The following RNF38 variants were observed in gnomAD, a reference collection of about 807,000 sequenced individuals.
The protein encoded by RNF38 is E3 ubiquitin-protein ligase RNF38.
In RNF38, 15 loss-of-function variants were observed where a neutral mutation model predicts 67.2. That is an observed-to-expected ratio of 0.22 (90% confidence interval 0.15 to 0.34). RNF38 has a LOEUF of 0.34. Among genes scored for constraint, RNF38 ranks in the 10% least tolerant of loss-of-function variants. The pLI, the probability that RNF38 is intolerant of heterozygous loss-of-function variation, is 1.00. For synonymous variants in RNF38, 220 were observed against 218.8 expected, an observed-to-expected ratio of 1.01 and a Z score of -0.05; for missense variants, 524 against 639.9, an observed-to-expected ratio of 0.82 and a Z score of 1.95.
chr9:36,343,856 G>A (rs1833026209), intron 10 of RNF38, among the ~76,000 whole-genome samples: 1 of 151,862 alleles, frequency 6.6e-6, no homozygotes, highest in African/African-American at 2.4e-5. Context: ...AGTGTAGACT[G>A]GGGATGGGGA....
intron 6 of RNF38, among the ~76,000 whole-genome samples, chr9:36,354,938 T>C (rs181172894): frequency 6.2e-4 from 94 of 152,382 alleles, no homozygotes; most frequent in African/African-American, 2.1e-3. Context: ...AAACAAAGTC[T>C]TGATATGGCT....
chr9:36,400,562 G>T (rs949152085), upstream of RNF38: 13 of 987,938 alleles, frequency 1.3e-5, no homozygotes, highest in Admixed American at 6.1e-5. Context: ...ACCTGCGAGG[G>T]GAGGCTCCGC....
chr9:36,357,324 G>A (rs554701982), intron 5 of RNF38, among the ~76,000 whole-genome samples: 2 of 152,110 alleles, frequency 1.3e-5, no homozygotes, highest in Admixed American at 1.3e-4. Context: ...TTCATCATAG[G>A]TTTCCTATAG....
At position 36,475,656 on chromosome 9, in the gene RNF38, C is replaced by T. The variant is rs374311014; in HGVS notation, n.241+11652G>A. ...TACAGGCGTGAGCCACCATGACCGG[C>T]CTCAAATCATTATTTTTTAGTGGCC... On this transcript the variant is annotated intron_variant and non_coding_transcript_variant, in intron 1 of 3. Coordinates refer to the RNF38 transcript ENST00000488058. 4.6e-5 allele frequency among the ~76,000 whole-genome samples: 7 copies of T among 151,222 alleles called. No individual in the cohort carries two copies. In the East Asian group the frequency reaches 1.4e-3, roughly 30 times the overall value.
rs1001304119 is a variant in RNF38 at position 36,423,636 on chromosome 9, G to A, written n.312+977C>T. Among the ~76,000 whole-genome samples, 3 of 152,156 alleles carry A rather than the reference G, an allele frequency of 2.0e-5. No individual in the cohort carries two copies. In the East Asian group the frequency reaches 5.8e-4, roughly 29 times the overall value. ...AAATATTTACTGCAAGGGCTGGGCCGTCAAGCGTACTGATGAGTATTGAAA... is the reference window on the plus strand; with the variant it reads ...AAATATTTACTGCAAGGGCTGGGCCATCAAGCGTACTGATGAGTATTGAAA... On this transcript the variant is annotated intron_variant and non_coding_transcript_variant, in intron 2 of 3. Coordinates refer to the RNF38 transcript ENST00000488058.
chr9:36,458,565 C>T (rs144403319), intron 1 of RNF38, among the ~76,000 whole-genome samples: 1,929 of 151,760 alleles, frequency 0.013, 31 homozygotes, highest in African/African-American at 0.044. Flanking sequence ...CAACTCCTGA[C>T]GTGCCACCTT....
At chr9:36,400,426 G>T, upstream of RNF38, 2 of 1,107,034 alleles carry the variant, frequency 1.8e-6, no homozygotes, top group Non-Finnish European at 2.2e-6. Context: ...TCGCCACCGC[G>T]GGAACAAAGA....
intron 1 of RNF38, among the ~76,000 whole-genome samples, chr9:36,440,086 A>T (rs925168796): frequency 2.6e-5 from 4 of 152,128 alleles, no homozygotes; most frequent in African/African-American, 9.7e-5. Flanking sequence ...TCTCTACTAA[A>T]AATACAAAAA....
chr9:36,401,478 AAG>A (rs1228519434), upstream of RNF38, among the ~76,000 whole-genome samples: 1 of 152,228 alleles, frequency 6.6e-6, no homozygotes, highest in African/African-American at 2.4e-5. Context: ...CCCGAAAAGT[AAG>A]AATTTTTATT....
At chr9:36,412,601 T>C (rs1417170351) in intron 2 of RNF38, among the ~76,000 whole-genome samples, 1 of 152,200 alleles carries the variant, frequency 6.6e-6, no homozygotes, top group African/African-American at 2.4e-5. Context: ...AAGAGCGAGA[T>C]GAGATCTCGC....
At chr9:36,398,667 TAGAG>T (rs960418703) in intron 1 of RNF38, among the ~76,000 whole-genome samples, 4 of 152,190 alleles carry the variant, frequency 2.6e-5, no homozygotes, top group African/African-American at 9.7e-5. Context: ...GTGAGTTAAG[TAGAG>T]TAAAATGGAA....
intron 1 of RNF38, among the ~76,000 whole-genome samples, chr9:36,427,657 C>CTCTATCTA (rs146556210): frequency 0.044 from 6,480 of 147,098 alleles, 165 homozygotes; most frequent in East Asian, 0.12. Flanking sequence ...ATTTCCCAGC[C>CTCTATCTA]TCTATCTATC....
At chr9:36,432,096 G>A (rs535929181) in intron 1 of RNF38, among the ~76,000 whole-genome samples, 8 of 151,730 alleles carry the variant, frequency 5.3e-5, no homozygotes, top group East Asian at 1.9e-4. Flanking sequence ...AATTCCCTTC[G>A]TATTCTCCCA....
intron 2 of RNF38, among the ~76,000 whole-genome samples, chr9:36,408,837 T>G (rs1838246252): frequency 6.6e-6 from 1 of 152,118 alleles, no homozygotes; most frequent in South Asian, 2.1e-4. Context: ...CAAAAGCCAG[T>G]GAAATAAGGA....
At chr9:36,368,152 C>T (rs1044330473) in intron 4 of RNF38, among the ~76,000 whole-genome samples, 2 of 152,154 alleles carry the variant, frequency 1.3e-5, no homozygotes, top group African/African-American at 4.8e-5. Context: ...CTGCACCTGG[C>T]CTCAGGTGTA....
chr9:36,397,826 A>G (rs1046749010), intron 1 of RNF38, among the ~76,000 whole-genome samples: 7 of 152,174 alleles, frequency 4.6e-5, no homozygotes, highest in Non-Finnish European at 7.4e-5. Context: ...CTACACAAAG[A>G]TTTTTCTCCC....
intron 1 of RNF38, among the ~76,000 whole-genome samples, chr9:36,469,188 T>C (rs529947252): frequency 6.6e-6 from 1 of 152,322 alleles, no homozygotes; most frequent in African/African-American, 2.4e-5. Context: ...GAAGTAATCA[T>C]CTTTGTTATC....
intron 1 of RNF38, among the ~76,000 whole-genome samples, chr9:36,482,466 C>A (rs1273308386): frequency 6.6e-6 from 1 of 151,172 alleles, no homozygotes; most frequent in East Asian, 1.9e-4. Flanking sequence ...GATTCTCCTG[C>A]CTCAGCCTCC....
chr9:36,361,941 A>T lies in RNF38; in HGVS notation c.571-3999T>A, dbSNP rs186411502. On this transcript the variant is annotated intron_variant, in intron 4 of 11. Coordinates refer to ENST00000259605, the MANE Select transcript of RNF38 (RefSeq NM_022781.5). ...CTGCAAGACATATGATGCACAGCAC[A>T]AGCAATGAAGACTGTGTTACAACTA... 8.9e-4 allele frequency among the ~76,000 whole-genome samples: 136 copies of T among 152,332 alleles called. No individual in the cohort carries two copies. In the Middle Eastern group the frequency reaches 0.014, roughly 15 times the overall value.
Sources: gnomAD v4.1 joint callset for allele counts (sites outside exome capture counted in the v4.1 genomes callset) on GRCh38, gnomAD v4.1.1 for gene constraint, MANE v1.5 for transcripts, NCBI Gene and HGNC (gene_info 2026-07-23, HGNC 2026-07-21) for gene names.